Variants in IGF1R observed in about 807,000 individuals in gnomAD.
The protein encoded by IGF1R is insulin-like growth factor 1 receptor.
Under a neutral mutation model 144.6 loss-of-function variants are expected in IGF1R, and 44 were observed. The observed-to-expected ratio is 0.30, with a 90% CI of 0.24 to 0.39. IGF1R has a LOEUF of 0.39. Ranked by LOEUF, IGF1R falls within the 10% of genes least tolerant of loss-of-function variation. IGF1R has a pLI of 1.00. For synonymous variants in IGF1R, 795 were observed against 722.8 expected (o/e 1.10, Z -1.60); for missense variants, 1,355 against 1,833.7 (o/e 0.74, Z 4.77).
chr15:98,650,900 C>G (rs2052346566), intron 1 of IGF1R: 1 of 984,490 alleles, frequency 1.0e-6, no homozygotes. Flanking sequence ...AGTAGGGAAG[C>G]GCGGGGATGC....
At chr15:98,663,226 C>T (rs570978244) in intron 1 of IGF1R, among the ~76,000 whole-genome samples, 35 of 151,980 alleles carry the variant, frequency 2.3e-4, no homozygotes, top group African/African-American at 6.0e-4. Flanking sequence ...GGTGGTTTGT[C>T]GAGAGAGCAG....
chr15:98,670,367 G>A (rs981302463), intron 1 of IGF1R, among the ~76,000 whole-genome samples: 3 of 152,058 alleles, frequency 2.0e-5, no homozygotes, highest in African/African-American at 7.2e-5. Flanking sequence ...CTTTAAAAAT[G>A]TATTTTGGGG....
intron 2 of IGF1R, among the ~76,000 whole-genome samples, chr15:98,836,137 T>A (rs1471550698): frequency 2.6e-5 from 4 of 152,172 alleles, no homozygotes; most frequent in Admixed American, 2.6e-4. Context: ...CCAGCAACTT[T>A]GTAGTGAGGA....
At chr15:98,733,693 C>T (rs540370985) in intron 2 of IGF1R, among the ~76,000 whole-genome samples, 2 of 152,090 alleles carry the variant, frequency 1.3e-5, no homozygotes, top group African/African-American at 4.8e-5. Flanking sequence ...AAGTGGTAGA[C>T]CTCCCCCCAC....
chr15:98,808,000 T>TTTTTTGGTGGTGAGGTACTA (rs1440020527), intron 2 of IGF1R, among the ~76,000 whole-genome samples: 1 of 152,170 alleles, frequency 6.6e-6, no homozygotes, highest in Non-Finnish European at 1.5e-5. Context: ...ATGAACATGA[T>TTTTTTGGTGGTGAGGTACTA]TTTTTGGTGG....
chr15:98,912,263 G>A (rs1027262041), intron 7 of IGF1R, among the ~76,000 whole-genome samples: 2 of 152,308 alleles, frequency 1.3e-5, no homozygotes, highest in Admixed American at 1.3e-4. Context: ...CTTTCCTCCT[G>A]CCAGAGCTGG....
chr15:98,896,328 G>A (rs1007452353), intron 3 of IGF1R, among the ~76,000 whole-genome samples: 2 of 152,252 alleles, frequency 1.3e-5, no homozygotes, highest in African/African-American at 4.8e-5. Flanking sequence ...TGCTGTCCCT[G>A]CCTTCTCTCC....
At position 98,891,442 on chromosome 15, in the gene IGF1R, A is replaced by G. The variant is rs1567180618; in HGVS notation, c.758A>G (p.His253Arg). 2.5e-6 allele frequency: 4 copies of G among 1,613,790 alleles called. No individual in the cohort carries two copies. Among genetic ancestry groups the G allele is most frequent in the Non-Finnish European group, 3.4e-6 (4 of 1,179,998 alleles). Residue 253 changes from histidine to arginine, a missense_variant, in exon 3 of 21, where the codon CAC becomes CGC. Physicochemically the swap from His to Arg is conservative, Grantham distance 29. Coordinates refer to ENST00000650285, the MANE Select transcript of IGF1R (RefSeq NM_000875.5). This position sits in a 1 kb window ranked among gnomAD's most constrained non-coding sequence, Gnocchi z 4.7. ...GACACGGCCTGTGTAGCTTGCCGCC[A>G]CTACTACTATGCCGGTGTCTGTGTG... ...DNDTACVACR[H>R]YYYAGVCVPA... is the part of the protein sequence containing the mutation.
chr15:98,808,717 T>G (rs1007520499), intron 2 of IGF1R, among the ~76,000 whole-genome samples: 1 of 150,072 alleles, frequency 6.7e-6, no homozygotes, highest in African/African-American at 2.4e-5. Context: ...TCTTGCCTTA[T>G]TGCCTACACT....
rs2015668624 is a variant in IGF1R, at chr15:98,925,289, CAG to C, written c.2782+607_2782+608del. On this transcript the variant is annotated intron_variant, in intron 13 of 20. Transcript: ENST00000650285. ...GTTTATGCTCAAGTCATTAACAAGA[CAG>C]AATTCTTAGGCTGTTCTGTGTGATG... Among the ~76,000 whole-genome samples the C allele has an allele frequency of 5.9e-5, 9 of 152,300 alleles. No homozygotes were observed. In the South Asian group the frequency reaches 1.9e-3, roughly 32 times the overall value.
intron 2 of IGF1R, among the ~76,000 whole-genome samples, chr15:98,867,496 C>T (rs1237271162): frequency 6.6e-6 from 1 of 152,154 alleles, no homozygotes; most frequent in African/African-American, 2.4e-5. Flanking sequence ...TTGCACACTC[C>T]TGCCTTGCAT....
intron 2 of IGF1R, among the ~76,000 whole-genome samples, chr15:98,790,212 A>T (rs913007094): frequency 6.6e-6 from 1 of 152,130 alleles, no homozygotes; most frequent in Admixed American, 6.5e-5. Flanking sequence ...TATGTGCCAT[A>T]TGAGGTGGGT....
intron 2 of IGF1R, among the ~76,000 whole-genome samples, chr15:98,809,890 C>T (rs929475905): frequency 3.9e-5 from 6 of 152,068 alleles, no homozygotes; most frequent in East Asian, 1.9e-4. Context: ...GCCCACTCCC[C>T]GCACCCTGGG....
intron 1 of IGF1R, among the ~76,000 whole-genome samples, chr15:98,672,429 G>A (rs1180319682): frequency 4.6e-5 from 7 of 152,012 alleles, no homozygotes; most frequent in Admixed American, 2.0e-4. Flanking sequence ...AATTAGCCGC[G>A]TGTGGTGGTG....
At chr15:98,956,685 C>T (rs1364059360) in intron 20 of IGF1R, among the ~76,000 whole-genome samples, 1 of 152,230 alleles carries the variant, frequency 6.6e-6, no homozygotes, top group Non-Finnish European at 1.5e-5. Context: ...GATGTTTCAG[C>T]AGTGCCTGCA....
intron 8 of IGF1R, 35 bp downstream of exon 8, chr15:98,913,317 C>T: frequency 6.5e-7 from 1 of 1,533,364 alleles, no homozygotes; most frequent in Non-Finnish European, 9.0e-7. Flanking sequence ...AGCATCCACA[C>T]TTCTTCGCAA....
intron 1 of IGF1R, among the ~76,000 whole-genome samples, chr15:98,655,752 C>G (rs2052471158): frequency 6.7e-6 from 1 of 148,374 alleles, no homozygotes; most frequent in African/African-American, 2.5e-5. Context: ...GACAGGGTCT[C>G]TGGTCACCTA....
chr15:98,791,635 T>G (rs1278764526), intron 2 of IGF1R, among the ~76,000 whole-genome samples: 1 of 152,234 alleles, frequency 6.6e-6, no homozygotes, highest in Non-Finnish European at 1.5e-5. Flanking sequence ...GGCTGTATAT[T>G]TTCTGATTCC....
chr15:98,766,056 T>C (rs1001281522), intron 2 of IGF1R, among the ~76,000 whole-genome samples: 5 of 152,112 alleles, frequency 3.3e-5, no homozygotes, highest in Admixed American at 6.5e-5. Flanking sequence ...CTGCAGGGCT[T>C]GGAGGCAGCC....
Sources: allele counts gnomAD v4.1 joint callset (sites outside exome capture counted in the v4.1 genomes callset), GRCh38; gene constraint gnomAD v4.1.1; non-coding constraint Gnocchi (gnomAD v3.1); transcripts MANE v1.5; gene names NCBI Gene and HGNC (gene_info 2026-07-23, HGNC 2026-07-21).